Variants in HSD17B12 observed in about 807,000 individuals in gnomAD.
HSD17B12 encodes the protein hydroxysteroid 17-beta dehydrogenase 12.
Under a neutral mutation model 39.3 loss-of-function variants are expected in HSD17B12, and 32 were observed. The ratio of observed to expected loss-of-function variants is 0.81; its 90% CI spans 0.61 to 1.09. The LOEUF is 1.09. HSD17B12 is among the 50% of genes least tolerant of loss of function. HSD17B12 has a pLI of 0.00. For missense variants in HSD17B12, 342 were observed against 382.9 expected (o/e 0.89, Z 0.89); for synonymous variants, 150 against 146.7 (o/e 1.02, Z -0.16).
At chr11:43,727,706 T>C (rs1162490040) in intron 1 of HSD17B12, among the ~76,000 whole-genome samples, 2 of 152,190 alleles carry the variant, frequency 1.3e-5, no homozygotes, top group Non-Finnish European at 2.9e-5. Context: ...TCTCCAAGTA[T>C]TTGGTGTTAT....
intron 1 of HSD17B12, among the ~76,000 whole-genome samples, chr11:43,727,773 T>C (rs545846490): frequency 6.6e-6 from 1 of 152,304 alleles, no homozygotes; most frequent in East Asian, 1.9e-4. Context: ...CTTTAATCCA[T>C]TTTTGTTTTT....
intron 1 of HSD17B12, among the ~76,000 whole-genome samples, chr11:43,717,130 A>G (rs1273338181): frequency 2.0e-5 from 3 of 152,184 alleles, no homozygotes; most frequent in Non-Finnish European, 4.4e-5. Context: ...GCAAACACTA[A>G]CTTACAATAT....
At chr11:43,735,362 G>A (rs1028627710) in intron 1 of HSD17B12, among the ~76,000 whole-genome samples, 1 of 152,110 alleles carries the variant, frequency 6.6e-6, no homozygotes, top group Admixed American at 6.5e-5. Flanking sequence ...TCCTTCAGTG[G>A]CTGCACCATT....
At chr11:43,771,210 G>C (rs1319904364) in intron 3 of HSD17B12, among the ~76,000 whole-genome samples, 1 of 152,090 alleles carries the variant, frequency 6.6e-6, no homozygotes, top group African/African-American at 2.4e-5. Context: ...GGCTTCTTCA[G>C]CTCAGCATTA....
the HSD17B12 span, among the ~76,000 whole-genome samples, chr11:43,634,113 A>AAAAACAAG: frequency 6.9e-6 from 1 of 144,776 alleles, no homozygotes; most frequent in Non-Finnish European, 1.5e-5. Context: ...AAAAAAAGAA[A>AAAAACAAG]GACACATGTA....
chr11:43,625,634 A>G, the HSD17B12 span, among the ~76,000 whole-genome samples: 12 of 151,614 alleles, frequency 7.9e-5, no homozygotes, highest in Non-Finnish European at 4.4e-5. Flanking sequence ...TATAAAAAGT[A>G]TGCTATCCCT....
rs1480242463 is a variant in HSD17B12 at position 43,680,762 on chromosome 11, G to A, written c.-66G>A. ...TGTCATCCTCACCGTCACGGCCGGCGCCTCCTCCTGGATTCATTCACTCGC... is the reference window on the plus strand; with the variant it reads ...TGTCATCCTCACCGTCACGGCCGGCACCTCCTCCTGGATTCATTCACTCGC... On this transcript the variant is annotated 5_prime_UTR_variant, in exon 1 of 11. Transcript: ENST00000278353. 5 of 1,433,560 alleles carry A rather than the reference G, an allele frequency of 3.5e-6. No individual in the cohort carries two copies. Among genetic ancestry groups the A allele is most frequent in the Admixed American group, 1.7e-5 (1 of 59,242 alleles). 88.8% of individuals were successfully genotyped at this position (1,433,560 alleles called of 1,614,324 possible).
At position 43,768,620 on chromosome 11, in the gene HSD17B12, G is replaced by T. The variant is rs190817584; in HGVS notation, c.283+14499G>T. 2.0e-5 allele frequency among the ~76,000 whole-genome samples: 3 copies of T among 152,306 alleles called. No individual in the cohort carries two copies. In the East Asian group the frequency reaches 5.8e-4, roughly 29 times the overall value. On this transcript the variant is annotated intron_variant, in intron 3 of 10. Transcript: ENST00000278353. The stretch of plus-strand genomic sequence containing the variant: ...TTCCTTCTGGTGGGTTCATGGTCTT[G>T]CTGACTTCAAGATTGAAGCCACAGA...
chr11:43,590,641 G>A, the HSD17B12 span, among the ~76,000 whole-genome samples: 1 of 150,126 alleles, frequency 6.7e-6, no homozygotes. Context: ...CTCCTGAGTA[G>A]CTGGGACTAC....
chr11:43,700,515 C>T (rs1949954388), intron 1 of HSD17B12, among the ~76,000 whole-genome samples: 2 of 152,048 alleles, frequency 1.3e-5, no homozygotes, highest in South Asian at 4.2e-4. Flanking sequence ...TTCTAGTAAC[C>T]ATCCTTCTAC....
intron 1 of HSD17B12, among the ~76,000 whole-genome samples, chr11:43,695,787 T>G (rs1304741624): frequency 6.6e-6 from 1 of 152,176 alleles, no homozygotes; most frequent in Non-Finnish European, 1.5e-5. Flanking sequence ...ATGACCTTTG[T>G]AGTAATTAAA....
rs1445193797 is a variant in HSD17B12 at position 43,815,458 on chromosome 11, A to G, written c.413A>G (p.Tyr138Cys). 2 of 1,578,282 alleles carry G rather than the reference A, an allele frequency of 1.3e-6. No homozygotes were observed. Among genetic ancestry groups the G allele is most frequent in the South Asian group, 1.2e-5 (1 of 85,272 alleles). ...TCAGTGAACAACGTGGGAATGTCGT[A>G]TGAGTATCCTGAATACTTTTTGGAT... ...GILVNNVGMSYEYPEYFLDVP... is the reference protein window; with the variant it reads ...GILVNNVGMSCEYPEYFLDVP... The change falls in exon 5 of 11, where the codon TAT becomes TGT. Residue 138 changes from tyrosine to cysteine, a missense_variant. Coordinates refer to ENST00000278353, the MANE Select transcript of HSD17B12 (RefSeq NM_016142.3).
the HSD17B12 span, among the ~76,000 whole-genome samples, chr11:43,565,256 C>T: frequency 0.96 from 146,110 of 152,232 alleles, 70,401 homozygotes; most frequent in East Asian, 1. Flanking sequence ...GGCGCCTTCA[C>T]GTTTTCTCCT....
intron 1 of HSD17B12, among the ~76,000 whole-genome samples, chr11:43,731,014 C>T (rs1023286779): frequency 4.7e-5 from 7 of 150,136 alleles, no homozygotes; most frequent in Non-Finnish European, 5.9e-5. Context: ...TTTTTTTTTT[C>T]GAGACAGAGT....
the HSD17B12 span, among the ~76,000 whole-genome samples, chr11:43,625,404 T>G: frequency 6.6e-6 from 1 of 151,454 alleles, no homozygotes; most frequent in Non-Finnish European, 1.5e-5. Context: ...TAAAAACAAT[T>G]TTTTTGTATT....
rs149205270 is a variant in HSD17B12 at position 43,756,067 on chromosome 11, C to T, written c.283+1946C>T. Among the ~76,000 whole-genome samples the T allele has an allele frequency of 2.3e-3, 352 of 152,134 alleles. 1 individual carries two copies. Among genetic ancestry groups the T allele is most frequent in the African/African-American group, 8.1e-3 (336 of 41,514 alleles). ...ACCATGAGAACAGTATGGGGGGAACCGCCCCCATGGTTCAATTGTCTCTTA... is the reference window on the plus strand; with the variant it reads ...ACCATGAGAACAGTATGGGGGGAACTGCCCCCATGGTTCAATTGTCTCTTA... On this transcript the variant is annotated intron_variant, in intron 3 of 10. Transcript: ENST00000278353.
chr11:43,681,829 C>A (rs923343926), intron 1 of HSD17B12, among the ~76,000 whole-genome samples: 1 of 142,582 alleles, frequency 7.0e-6, no homozygotes, highest in African/African-American at 2.5e-5. Flanking sequence ...TTTGCTCCCC[C>A]CCCCCTTTTT....
the HSD17B12 span, among the ~76,000 whole-genome samples, chr11:43,591,447 A>C: frequency 6.6e-6 from 1 of 152,204 alleles, no homozygotes; most frequent in East Asian, 1.9e-4. Flanking sequence ...AACATGAAGC[A>C]ATCATGAAAA....
intron 4 of HSD17B12, among the ~76,000 whole-genome samples, chr11:43,803,880 C>T (rs149674628): frequency 6.6e-6 from 1 of 152,306 alleles, no homozygotes; most frequent in East Asian, 1.9e-4. Context: ...GAGAAAATGA[C>T]ATCCTTACTG....
Sources: gnomAD v4.1 joint callset for allele counts (sites outside exome capture counted in the v4.1 genomes callset) on GRCh38, gnomAD v4.1.1 for gene constraint, MANE v1.5 for transcripts, NCBI Gene and HGNC (gene_info 2026-07-23, HGNC 2026-07-21) for gene names.